Variants in RPA1 observed in about 807,000 individuals in gnomAD.
RPA1 encodes the protein replication protein A 70 kDa DNA-binding subunit.
Under a neutral mutation model 83.0 loss-of-function variants are expected in RPA1, and 49 were observed. The ratio of observed to expected loss-of-function variants is 0.59; its 90% CI spans 0.47 to 0.75. The LOEUF is 0.75. Among genes scored for constraint, RPA1 ranks in the 30% least tolerant of loss-of-function variants. RPA1 has a pLI of 0.00. For missense variants in RPA1, 693 were observed against 776.1 expected, an observed-to-expected ratio of 0.89 and a Z score of 1.27; for synonymous variants, 279 against 281.8, an observed-to-expected ratio of 0.99 and a Z score of 0.10.
intron 12 of RPA1, among the ~76,000 whole-genome samples, chr17:1,882,677 C>A (rs576420981): frequency 2.1e-4 from 32 of 152,244 alleles, no homozygotes; most frequent in Middle Eastern, 3.4e-3. Context: ...AACAAAAAAA[C>A]CACTTTTGGC....
At chr17:1,896,945 G>C in intron 16 of RPA1, 126 bp from the exon 17 acceptor site, 1 of 760,016 alleles carries the variant, frequency 1.3e-6, no homozygotes. Flanking sequence ...TCACTGGAAT[G>C]ACTGAACTCT....
chr17:1,891,272 A>G (rs1914191395), intron 14 of RPA1, among the ~76,000 whole-genome samples: 1 of 152,216 alleles, frequency 6.6e-6, no homozygotes, highest in Admixed American at 6.5e-5. Context: ...TGACTGACAG[A>G]GGCTCACGGG....
rs756616896 is a variant in RPA1 at position 1,854,430 on chromosome 17, T to C, written c.361+1241T>C. ...ATTAAAAATAGGAAACCAGGTACGG[T>C]ACCTCACACCTGTAATCCCTGCACT... On this transcript the variant is annotated intron_variant, in intron 5 of 16. Transcript: ENST00000254719. Among the ~76,000 whole-genome samples, 57 of 152,336 alleles carry C rather than the reference T, an allele frequency of 3.7e-4. 1 individual carries two copies. In the Middle Eastern group the frequency reaches 0.014, roughly 36 times the overall value.
intron 14 of RPA1, among the ~76,000 whole-genome samples, chr17:1,891,137 G>C (rs1022896656): frequency 6.6e-6 from 1 of 152,156 alleles, no homozygotes; most frequent in Non-Finnish European, 1.5e-5. Context: ...TTCTACAAAG[G>C]CTTTTACTTC....
rs1446390715 is a variant in RPA1 at position 1,898,781 on chromosome 17, G to T, written c.*1606G>T. 2 of 152,182 alleles carry T rather than the reference G, an allele frequency of 1.3e-5. No individual in the cohort carries two copies. Among genetic ancestry groups the T allele is most frequent in the African/African-American group, 4.8e-5 (2 of 41,440 alleles). The allele number at this position is 152,182 out of a possible 1,614,324, so 9.4% of individuals were successfully genotyped here. ...AGTCTCAGGAGATGGTAACTGGGTC[G>T]CATTTCAGTCTCTGACTGAGGCCTC... On this transcript the variant is annotated 3_prime_UTR_variant, in exon 17 of 17. Transcript: ENST00000254719.
At chr17:1,863,955 A>G (rs1359733064) in intron 5 of RPA1, among the ~76,000 whole-genome samples, 1 of 152,226 alleles carries the variant, frequency 6.6e-6, no homozygotes, top group Non-Finnish European at 1.5e-5. Context: ...TTTTAATAAC[A>G]TATAACTAAT....
At chr17:1,831,543 T>A (rs539495954) in intron 1 of RPA1, among the ~76,000 whole-genome samples, 5 of 152,104 alleles carry the variant, frequency 3.3e-5, no homozygotes, top group South Asian at 2.1e-4. Context: ...CATTTTTTTT[T>A]AAATTTAGAT....
chr17:1,878,641 G>A (rs1252351672), intron 8 of RPA1, among the ~76,000 whole-genome samples: 1 of 152,220 alleles, frequency 6.6e-6, no homozygotes, highest in African/African-American at 2.4e-5. Context: ...TGGGCTCTGG[G>A]CGTGTCCCTC....
rs17339067 is a variant in RPA1 at position 1,888,044 on chromosome 17, C to T, written c.1375-631C>T. Among the ~76,000 whole-genome samples the T allele has an allele frequency of 3.9e-4, 60 of 152,128 alleles. No individual in the cohort carries two copies. The East Asian group carries it at 0.011, about 27-fold the overall frequency. On this transcript the variant is annotated intron_variant, in intron 13 of 16. Transcript: ENST00000254719. ...CAAGTCTTCAATCTGTAAAAAATGCCGTATCTGTCAAGTGCAGTAAAGCAA... is the reference window on the plus strand; with the variant it reads ...CAAGTCTTCAATCTGTAAAAAATGCTGTATCTGTCAAGTGCAGTAAAGCAA...
chr17:1,871,290 T>G (rs571687127), intron 5 of RPA1, among the ~76,000 whole-genome samples: 43 of 152,370 alleles, frequency 2.8e-4, no homozygotes, highest in African/African-American at 9.6e-4. Flanking sequence ...ATGCTAAATT[T>G]ATTTTACTCT....
intron 6 of RPA1, 118 bp downstream of exon 6, chr17:1,872,644 C>G (rs1913416840): frequency 1.5e-6 from 2 of 1,318,880 alleles, no homozygotes; most frequent in Non-Finnish European, 2.1e-6. Context: ...AGGGTTGTGT[C>G]TTGGAAAGAA....
At chr17:1,885,994 A>G (rs1444024821) in intron 13 of RPA1, among the ~76,000 whole-genome samples, 1 of 151,990 alleles carries the variant, frequency 6.6e-6, no homozygotes, top group Non-Finnish European at 1.5e-5. Context: ...TTGTCAATAT[A>G]TTAATCTCCT....
At chr17:1,830,701 A>C (rs1222277952) in intron 1 of RPA1, 1 of 152,096 alleles carries the variant, frequency 6.6e-6, no homozygotes, top group Non-Finnish European at 1.5e-5. Context: ...CTTATTTGTA[A>C]GTCCCTCTTT....
At chr17:1,840,620 G>T (rs897369783) in intron 1 of RPA1, among the ~76,000 whole-genome samples, 7 of 152,020 alleles carry the variant, frequency 4.6e-5, no homozygotes, top group African/African-American at 1.4e-4. Context: ...CTGTTGCCCC[G>T]ACTGGTCTCG....
intron 5 of RPA1, among the ~76,000 whole-genome samples, chr17:1,863,654 C>T (rs746464763): frequency 1.3e-5 from 2 of 152,086 alleles, no homozygotes. Context: ...TGCAGGGGGC[C>T]GACATCAAAA....
intron 14 of RPA1, among the ~76,000 whole-genome samples, chr17:1,889,120 C>T (rs535553891): frequency 4.6e-5 from 7 of 152,200 alleles, no homozygotes; most frequent in South Asian, 2.1e-4. Flanking sequence ...AATTTGAAAA[C>T]GGCATTTATA....
chr17:1,834,427 A>G (rs1037672012), intron 1 of RPA1, among the ~76,000 whole-genome samples: 1 of 152,216 alleles, frequency 6.6e-6, no homozygotes, highest in Non-Finnish European at 1.5e-5. Flanking sequence ...TAAATGAAGA[A>G]TGAAAGTTTC....
rs546573712 is a variant in RPA1, at chr17:1,830,117, G to T, written c.24G>T (p.Gly8=). Residue 8 remains glycine (G), a synonymous_variant, in exon 1 of 17, where the codon GGG becomes GGT. Transcript: ENST00000254719. ...CCATGGTCGGCCAACTGAGCGAGGG[G>T]GCCATTGCGGTGAGGAGGTGCCGGG... is the stretch of plus-strand genomic sequence containing the variant. The part of the protein sequence containing the change: MVGQLSE[G]AIAAIMQKGD... 3 of 1,248,622 alleles carry T rather than the reference G, an allele frequency of 2.4e-6. No individual in the cohort carries two copies. The Admixed American group carries it at 1.3e-4, about 52-fold the overall frequency. The allele number at this position is 1,248,622 out of a possible 1,614,324, so 77.3% of individuals were successfully genotyped here.
chr17:1,850,168 T>A lies in RPA1; in HGVS notation c.273-2933T>A, dbSNP rs527713786. Reference sequence around the variant, plus strand: ...GCCTGGGCGACAGGGCAAGACTCCATCTCAAAAAAAAAAAAAGATTACCTA... The same window carrying A: ...GCCTGGGCGACAGGGCAAGACTCCAACTCAAAAAAAAAAAAAGATTACCTA... On this transcript the variant is annotated intron_variant, in intron 4 of 16. Transcript: ENST00000254719. Among the ~76,000 whole-genome samples the A allele has an allele frequency of 1.6e-3, 228 of 139,792 alleles. 1 individual carries two copies. Among genetic ancestry groups the A allele is most frequent in the African/African-American group, 5.9e-3 (224 of 37,942 alleles). 91.7% of individuals were successfully genotyped at this position (139,792 alleles called of 152,430 possible).
Sources: allele counts gnomAD v4.1 joint callset (sites outside exome capture counted in the v4.1 genomes callset), GRCh38; gene constraint gnomAD v4.1.1; transcripts MANE v1.5; gene names NCBI Gene and HGNC (gene_info 2026-07-23, HGNC 2026-07-21).